The following TSHZ1 variants were observed in gnomAD, a reference collection of about 807,000 sequenced individuals.
TSHZ1 encodes the protein teashirt homolog 1.
TSHZ1 carries 12 observed loss-of-function variants against 67.1 expected under a neutral mutation model. That is an observed-to-expected ratio of 0.18 (90% CI 0.11 to 0.29). The LOEUF is 0.29. Among genes scored for constraint, TSHZ1 ranks in the 10% least tolerant of loss-of-function variants. The probability of loss-of-function intolerance (pLI) is 1.00; values close to 1 mark genes in which losing one functional copy is unlikely to be tolerated. For synonymous variants in TSHZ1, 632 were observed against 622.4 expected (o/e 1.02, Z -0.23); for missense variants, 1,305 against 1,413.9 (o/e 0.92, Z 1.23).
chr18:75,232,658 C>G (rs2023015186), intron 1 of TSHZ1, among the ~76,000 whole-genome samples: 1 of 152,168 alleles, frequency 6.6e-6, no homozygotes, highest in Non-Finnish European at 1.5e-5. Flanking sequence ...CAGGTAAACC[C>G]TGAAGGAAGT....
Position 75,288,050 on chromosome 18 carries a change from G to T in TSHZ1, c.2643G>T (p.Pro881=), listed in dbSNP as rs34878160. The change falls in exon 2 of 2, where the codon CCG becomes CCT. Residue 881 remains proline (P), a synonymous_variant. Coordinates refer to ENST00000580243, the MANE Select transcript of TSHZ1 (RefSeq NM_001308210.2). This position sits in a 1 kb window ranked among gnomAD's most constrained non-coding sequence, Gnocchi z 4.9. The part of the protein sequence containing the change: ...SFEEALDELS[P]VHKRKGRQSN... ...AGGAGGCGTTGGACGAGCTGTCACCGGTCCACAAGAGGAAGGGCCGGCAGT... is the reference window on the plus strand; with the variant it reads ...AGGAGGCGTTGGACGAGCTGTCACCTGTCCACAAGAGGAAGGGCCGGCAGT... 1 of 1,613,744 alleles carries T rather than the reference G, an allele frequency of 6.2e-7. No individual in the cohort carries two copies. The highest frequency in any genetic ancestry group is 1.3e-5 in the African/African-American group (1 of 74,902).
chr18:75,286,535 G>C lies in TSHZ1; in HGVS notation c.1128G>C (p.Leu376=), dbSNP rs748281043. The change falls in exon 2 of 2, where the codon CTG becomes CTC. Residue 376 remains leucine (L), a synonymous_variant. Coordinates refer to ENST00000580243, the MANE Select transcript of TSHZ1 (RefSeq NM_001308210.2). This position sits in a 1 kb window ranked among gnomAD's most constrained non-coding sequence, Gnocchi z 5.1. ...EPAGMAAEVA[L]SESAKDQKAA... ...CAGGAATGGCCGCAGAGGTGGCCCT[G>C]AGTGAGTCAGCCAAGGATCAGAAAG... 1 of 1,614,210 alleles carries C rather than the reference G, an allele frequency of 6.2e-7. No individual in the cohort carries two copies. The highest frequency in any genetic ancestry group is 2.2e-5 in the East Asian group (1 of 44,870).
At chr18:75,273,447 A>C (rs1268876872) in intron 1 of TSHZ1, among the ~76,000 whole-genome samples, 1 of 152,244 alleles carries the variant, frequency 6.6e-6, no homozygotes, top group Non-Finnish European at 1.5e-5. Flanking sequence ...ATCCCTAAAA[A>C]TGACTGTTGA....
At position 75,289,015 on chromosome 18, in the gene TSHZ1, G is replaced by A. The variant is rs1020450133; in HGVS notation, c.*374G>A. The A allele has an allele frequency of 5.7e-5, 10 of 176,596 alleles. No individual in the cohort carries two copies. Among genetic ancestry groups the A allele is most frequent in the Non-Finnish European group, 1.1e-4 (8 of 75,484 alleles). 10.9% of individuals were successfully genotyped at this position (176,596 alleles called of 1,614,324 possible). On this transcript the variant is annotated 3_prime_UTR_variant, in exon 2 of 2. Transcript: ENST00000580243. ...ATGACAATAAAGGTCATAGAACCTGGTAGTGTCAAATTTAACCCTTTGAGG... is the reference window on the plus strand; with the variant it reads ...ATGACAATAAAGGTCATAGAACCTGATAGTGTCAAATTTAACCCTTTGAGG...
In TSHZ1 at chr18:75,287,575, TC is replaced by T. The variant is rs2023794979; in HGVS notation, c.2169del (p.Thr724ProfsTer23). On this transcript the variant is annotated frameshift_variant, in exon 2 of 2. Coordinates refer to ENST00000580243, the MANE Select transcript of TSHZ1 (RefSeq NM_001308210.2). LOFTEE classifies it high-confidence loss of function. This position sits in a 1 kb window ranked among gnomAD's most constrained non-coding sequence, Gnocchi z 5.0. ...PNGTEPLKAKVTNGCNNLGII... is the reference protein window; with the variant it reads ...PNGTEPLKAKXTNGCNNLGII... ...GGCACAGAGCCTCTCAAAGCAAAGG[TC>T]ACCAACGGCTGTAACAACCTGGGGA... is the stretch of plus-strand genomic sequence containing the variant. 1.9e-6 allele frequency: 3 copies of T among 1,613,856 alleles called. No individual in the cohort carries two copies. The highest frequency in any genetic ancestry group is 1.3e-5 in the African/African-American group (1 of 74,840).
chr18:75,225,975 G>A (rs1041558689), intron 1 of TSHZ1, among the ~76,000 whole-genome samples: 1 of 152,116 alleles, frequency 6.6e-6, no homozygotes, highest in Non-Finnish European at 1.5e-5. Context: ...TTATAAATCT[G>A]TGCTAAGCAA....
intron 1 of TSHZ1, among the ~76,000 whole-genome samples, chr18:75,267,754 G>A (rs2023507471): frequency 6.6e-6 from 1 of 152,220 alleles, no homozygotes; most frequent in African/African-American, 2.4e-5. Flanking sequence ...GATGGTGAAT[G>A]TTTTGCACAA....
At chr18:75,212,054 C>T in intron 1 of TSHZ1, 138 bp downstream of exon 1, 1 of 584,092 alleles carries the variant, frequency 1.7e-6, no homozygotes, top group Middle Eastern at 6.4e-4. Flanking sequence ...GCGCTGGCCA[C>T]AGTCGTCTGG....
At chr18:75,253,334 C>T (rs1029837611) in intron 1 of TSHZ1, among the ~76,000 whole-genome samples, 1 of 152,220 alleles carries the variant, frequency 6.6e-6, no homozygotes, top group Non-Finnish European at 1.5e-5. Flanking sequence ...ATGACCTTCT[C>T]TTGTGGCTTT....
intron 1 of TSHZ1, among the ~76,000 whole-genome samples, chr18:75,229,045 G>A (rs1345568275): frequency 6.6e-6 from 1 of 152,248 alleles, no homozygotes; most frequent in Non-Finnish European, 1.5e-5. Context: ...TGCATATGGT[G>A]GATAGAGGAG....
At chr18:75,253,446 G>A (rs1438130868) in intron 1 of TSHZ1, among the ~76,000 whole-genome samples, 1 of 152,146 alleles carries the variant, frequency 6.6e-6, no homozygotes, top group African/African-American at 2.4e-5. Flanking sequence ...ATGCCTTAAC[G>A]CATCTTCTGC....
At chr18:75,225,237 C>G (rs1458105242) in intron 1 of TSHZ1, among the ~76,000 whole-genome samples, 1 of 152,162 alleles carries the variant, frequency 6.6e-6, no homozygotes, top group African/African-American at 2.4e-5. Context: ...TTCCTCGGTT[C>G]TGGGCACCTT....
chr18:75,288,899 A>G lies in TSHZ1; in HGVS notation c.*258A>G, dbSNP rs1053473813. The G allele has an allele frequency of 5.1e-6, 2 of 392,750 alleles. No homozygotes were observed. Among genetic ancestry groups the G allele is most frequent in the Admixed American group, 4.3e-5 (1 of 23,082 alleles). The allele number at this position is 392,750 out of a possible 1,614,324, so 24.3% of individuals were successfully genotyped here. ...TGTTAAGCTATCTTTTGTAGGAAATAGTGGGGCACACTACTCAGAGACATT... is the reference window on the plus strand; with the variant it reads ...TGTTAAGCTATCTTTTGTAGGAAATGGTGGGGCACACTACTCAGAGACATT... On this transcript the variant is annotated 3_prime_UTR_variant, in exon 2 of 2. Transcript: ENST00000580243. The surrounding 1 kb of genome is among the most constrained non-coding windows in gnomAD (Gnocchi z 4.9).
At position 75,259,506 on chromosome 18, in the gene TSHZ1, G is replaced by A. The variant is rs1026047859; in HGVS notation, c.41-25942G>A. Reference sequence around the variant, plus strand: ...TGCCCGGCATATCCAGACTGTAGATGCCACTTGCCCCGGTTAGTCACTTAG... The same window carrying A: ...TGCCCGGCATATCCAGACTGTAGATACCACTTGCCCCGGTTAGTCACTTAG... On this transcript the variant is annotated intron_variant, in intron 1 of 1. Transcript: ENST00000580243. Among the ~76,000 whole-genome samples the A allele has an allele frequency of 3.9e-5, 6 of 152,282 alleles. No individual in the cohort carries two copies. In the East Asian group the frequency reaches 5.8e-4, roughly 15 times the overall value.
chr18:75,227,653 C>G (rs982318707), intron 1 of TSHZ1, among the ~76,000 whole-genome samples: 1 of 152,196 alleles, frequency 6.6e-6, no homozygotes, highest in Non-Finnish European at 1.5e-5. Context: ...CTCATCCCCA[C>G]CCCTTTGTAC....
At chr18:75,269,006 G>T (rs922444036) in intron 1 of TSHZ1, among the ~76,000 whole-genome samples, 12 of 152,148 alleles carry the variant, frequency 7.9e-5, no homozygotes, top group Non-Finnish European at 1.3e-4. Context: ...TTTGATTGAC[G>T]ACAGTGAGGC....
intron 1 of TSHZ1, among the ~76,000 whole-genome samples, chr18:75,256,056 A>C (rs1362980043): frequency 2.0e-5 from 3 of 152,246 alleles, no homozygotes; most frequent in African/African-American, 7.2e-5. Flanking sequence ...AATGACTTTA[A>C]ATAGGCAACT....
chr18:75,261,303 C>T (rs887124268), intron 1 of TSHZ1, among the ~76,000 whole-genome samples: 6 of 152,204 alleles, frequency 3.9e-5, no homozygotes, highest in African/African-American at 1.4e-4. Flanking sequence ...TGACTCATGA[C>T]AACATCATTG....
intron 1 of TSHZ1, among the ~76,000 whole-genome samples, chr18:75,257,468 A>G (rs1481817260): frequency 6.6e-6 from 1 of 152,222 alleles, no homozygotes; most frequent in African/African-American, 2.4e-5. Flanking sequence ...AATAAGAGCA[A>G]GTGCTTGAAC....
Sources: allele counts gnomAD v4.1 joint callset (sites outside exome capture counted in the v4.1 genomes callset), GRCh38; gene constraint gnomAD v4.1.1; non-coding constraint Gnocchi (gnomAD v3.1); transcripts MANE v1.5; gene names NCBI Gene and HGNC (gene_info 2026-07-23, HGNC 2026-07-21).